Variants in ZNF536 observed in about 807,000 individuals in gnomAD.
ZNF536 encodes zinc finger protein 536.
ZNF536 carries 13 observed loss-of-function variants against 84.5 expected under a neutral mutation model. That is an observed-to-expected ratio of 0.15 (90% CI 0.10 to 0.24). The LOEUF (loss-of-function observed/expected upper bound fraction) is 0.24. Ranked by LOEUF, ZNF536 falls within the 10% of genes least tolerant of loss-of-function variation. ZNF536 has a pLI of 1.00. For missense variants in ZNF536, 1,536 were observed against 1,747.5 expected, an observed-to-expected ratio of 0.88 and a Z score of 2.16; for synonymous variants, 811 against 742.5, an observed-to-expected ratio of 1.09 and a Z score of -1.50.
chr19:30,420,699 G>A (rs1476258311), intron 1 of ZNF536, among the ~76,000 whole-genome samples: 1 of 152,072 alleles, frequency 6.6e-6, no homozygotes, highest in East Asian at 1.9e-4. Context: ...AAAAAGTGTG[G>A]TTCATTGTGA....
intron 1 of ZNF536, among the ~76,000 whole-genome samples, chr19:30,616,007 C>T (rs1387008972): frequency 1.3e-5 from 2 of 152,164 alleles, no homozygotes; most frequent in Non-Finnish European, 2.9e-5. Flanking sequence ...ACTTAAACCA[C>T]TGATTCTTGT....
Position 30,539,433 on chromosome 19 carries a change from A to G in ZNF536, c.2323+4434A>G, listed in dbSNP as rs112947778. ...ACTCAGCCCACCCATTCAAACGTTCATCTCATCCAGAAACACCCCCATGGA... is the reference window on the plus strand; with the variant it reads ...ACTCAGCCCACCCATTCAAACGTTCGTCTCATCCAGAAACACCCCCATGGA... On this transcript the variant is annotated intron_variant, in intron 3 of 4. Transcript: ENST00000355537. Among the ~76,000 whole-genome samples, 1,258 of 152,306 alleles carry G rather than the reference A, an allele frequency of 8.3e-3. 15 individuals carry two copies. Among genetic ancestry groups the G allele is most frequent in the African/African-American group, 0.028 (1,179 of 41,548 alleles).
chr19:30,261,996 T>C (rs1251675609), intron 1 of ZNF536, among the ~76,000 whole-genome samples: 1 of 152,180 alleles, frequency 6.6e-6, no homozygotes, highest in Non-Finnish European at 1.5e-5. Context: ...GTGGGTGCAC[T>C]TCTGCGTCTC....
chr19:30,411,453 A>T (rs908104388), intron 1 of ZNF536, among the ~76,000 whole-genome samples: 8 of 152,302 alleles, frequency 5.3e-5, no homozygotes, highest in African/African-American at 1.9e-4. Flanking sequence ...TTTACCAAGG[A>T]TTATAAAAAA....
intron 2 of ZNF536, among the ~76,000 whole-genome samples, chr19:30,332,189 C>G (rs2047232401): frequency 6.6e-6 from 1 of 152,174 alleles, no homozygotes; most frequent in South Asian, 2.1e-4. Flanking sequence ...CTCTTTGCCC[C>G]CCGGCCTCAG....
intron 2 of ZNF536, among the ~76,000 whole-genome samples, chr19:30,291,993 G>T (rs2045855634): frequency 6.6e-6 from 1 of 152,228 alleles, no homozygotes; most frequent in Non-Finnish European, 1.5e-5. Context: ...GTCTGTGGCT[G>T]CATTGACACT....
chr19:30,455,731 A>G (rs1462990374), intron 2 of ZNF536, among the ~76,000 whole-genome samples: 2 of 152,198 alleles, frequency 1.3e-5, no homozygotes, highest in Non-Finnish European at 2.9e-5. Flanking sequence ...TATTCTAGAA[A>G]CATTTGAATT....
intron 2 of ZNF536, among the ~76,000 whole-genome samples, chr19:30,336,469 A>G (rs1454227945): frequency 6.6e-6 from 1 of 152,212 alleles, no homozygotes; most frequent in Non-Finnish European, 1.5e-5. Context: ...GATTGCATAA[A>G]CAATTGCTAT....
intron 1 of ZNF536, among the ~76,000 whole-genome samples, chr19:30,636,254 G>T (rs542278699): frequency 2.0e-5 from 3 of 152,210 alleles, no homozygotes; most frequent in Admixed American, 6.5e-5. Flanking sequence ...CAGGTCCTAC[G>T]CAGACAGGAA....
chr19:30,389,009 A>G (rs998798654), intron 1 of ZNF536, among the ~76,000 whole-genome samples: 8 of 152,202 alleles, frequency 5.3e-5, no homozygotes, highest in Admixed American at 5.2e-4. Context: ...ACGACCTGTG[A>G]GGAAGGAGGG....
chr19:30,441,457 C>T (rs2052044160), intron 1 of ZNF536, among the ~76,000 whole-genome samples: 2 of 152,202 alleles, frequency 1.3e-5, no homozygotes, highest in Non-Finnish European at 2.9e-5. Context: ...CCTGCTCCTC[C>T]CTGCTGGATA....
intron 1 of ZNF536, among the ~76,000 whole-genome samples, chr19:30,234,971 G>T (rs961128161): frequency 6.6e-6 from 1 of 152,126 alleles, no homozygotes; most frequent in Non-Finnish European, 1.5e-5. Context: ...TAGGACCCTC[G>T]GGAGGTGGTA....
exon 2 of ZNF536, chr19:30,711,723 T>C (rs1014923817): frequency 1.3e-5 from 2 of 152,244 alleles, no homozygotes; most frequent in Non-Finnish European, 1.5e-5. Flanking sequence ...AATTCCTTTT[T>C]TTAGATCAAA....
At chr19:30,536,141 GC>G (rs1347334069) in intron 3 of ZNF536, among the ~76,000 whole-genome samples, 1 of 152,128 alleles carries the variant, frequency 6.6e-6, no homozygotes, top group African/African-American at 2.4e-5. Flanking sequence ...CTCCCAAAAG[GC>G]CTCATGCGAC....
intron 2 of ZNF536, among the ~76,000 whole-genome samples, chr19:30,525,783 T>G (rs762227149): frequency 2.0e-4 from 30 of 152,140 alleles, no homozygotes; most frequent in Non-Finnish European, 3.7e-4. Context: ...AGAAGGGACG[T>G]AGCCTCAGAG....
At chr19:30,291,276 A>G (rs1011547393) in intron 2 of ZNF536, among the ~76,000 whole-genome samples, 2 of 152,222 alleles carry the variant, frequency 1.3e-5, no homozygotes, top group Non-Finnish European at 2.9e-5. Context: ...GTCTTCCACA[A>G]TGGTTGAACT....
At chr19:30,676,901 T>C (rs1273450360) in intron 1 of ZNF536, among the ~76,000 whole-genome samples, 1 of 152,202 alleles carries the variant, frequency 6.6e-6, no homozygotes, top group Non-Finnish European at 1.5e-5. Flanking sequence ...AAATGGAGTC[T>C]TGCTATGTTG....
chr19:30,590,493 G>A lies in ZNF536; in HGVS notation c.169+40979G>A, dbSNP rs574933920. Among the ~76,000 whole-genome samples the A allele has an allele frequency of 1.5e-4, 23 of 152,280 alleles. No individual in the cohort carries two copies. In the South Asian group the frequency reaches 4.6e-3, roughly 30 times the overall value. On this transcript the variant is annotated intron_variant, in intron 1 of 1. Coordinates refer to the ZNF536 transcript ENST00000592773. ...AAGCCTTTGTCTTTCCTTTGTTTGG[G>A]GAAAGCAAGAGCTTCTTTCTTTGTG...
chr19:30,404,078 T>C (rs894663480), intron 1 of ZNF536, among the ~76,000 whole-genome samples: 1 of 149,942 alleles, frequency 6.7e-6, no homozygotes, highest in Non-Finnish European at 1.5e-5. Flanking sequence ...CGGTGCACTA[T>C]TTGTTCCATC....
Sources: gnomAD v4.1 joint callset for allele counts (sites outside exome capture counted in the v4.1 genomes callset) on GRCh38, gnomAD v4.1.1 for gene constraint, MANE v1.5 for transcripts, NCBI Gene and HGNC (gene_info 2026-07-23, HGNC 2026-07-21) for gene names.